The following MCRS1 variants were observed in gnomAD, a reference collection of about 807,000 sequenced individuals.
MCRS1 encodes the protein microspherule protein 1.
Under a neutral mutation model 62.9 loss-of-function variants are expected in MCRS1, and 22 were observed. The observed-to-expected ratio is 0.35, with a 90% CI of 0.25 to 0.50. The LOEUF is 0.50. Among genes scored for constraint, MCRS1 ranks in the 20% least tolerant of loss-of-function variants. The pLI, the probability that MCRS1 is intolerant of heterozygous loss-of-function variation, is 0.98. For synonymous variants in MCRS1, 244 were observed against 233.5 expected (o/e 1.04, Z -0.41); for missense variants, 456 against 601.1 (o/e 0.76, Z 2.52).
intron 8 of MCRS1, among the ~76,000 whole-genome samples, chr12:49,561,496 G>C (rs1215161774): frequency 6.6e-6 from 1 of 152,164 alleles, no homozygotes; most frequent in Non-Finnish European, 1.5e-5. Context: ...CCTATTCCTA[G>C]GGTCTCCTAG....
chr12:49,562,329 T>C (rs930042482), intron 8 of MCRS1, among the ~76,000 whole-genome samples: 1 of 151,902 alleles, frequency 6.6e-6, no homozygotes, highest in Non-Finnish European at 1.5e-5. Flanking sequence ...CACTGGGGAG[T>C]TCCTCCAGTT....
intron 9 of MCRS1, 118 bp from the exon 10 acceptor site, chr12:49,560,085 C>T: frequency 1.4e-6 from 2 of 1,407,098 alleles, no homozygotes; most frequent in Non-Finnish European, 1.0e-6. Flanking sequence ...TACATCAGGC[C>T]TTGGCCCAGC....
chr12:49,561,522 G>A (rs1234469118), intron 8 of MCRS1, among the ~76,000 whole-genome samples: 1 of 152,226 alleles, frequency 6.6e-6, no homozygotes, highest in Non-Finnish European at 1.5e-5. Flanking sequence ...AACGGCAAAG[G>A]AGAAATCAAA....
rs1323173889 is a variant in MCRS1, at chr12:49,564,513, C to T, written c.525G>A (p.Trp175Ter). 6.2e-7 allele frequency: 1 copy of T among 1,613,466 alleles called. No homozygotes were observed. Among genetic ancestry groups the T allele is most frequent in the Non-Finnish European group, 8.5e-7 (1 of 1,179,678 alleles). Residue 175 changes from tryptophan to a stop codon, truncating the protein, a stop_gained, in exon 6 of 15, where the codon TGG (tryptophan) becomes TGA (stop). Transcript: ENST00000343810. LOFTEE classifies it high-confidence loss of function. ...RFTLREVQER[W>*]YALLYDPVIS... ...TGACAGGATCGTAGAGCAGGGCGTACCAACGCTCCTGGACCTCCCGAAGGG... is the reference window on the plus strand; with the variant it reads ...TGACAGGATCGTAGAGCAGGGCGTATCAACGCTCCTGGACCTCCCGAAGGG...
In MCRS1 at chr12:49,563,536, G is replaced by C. The variant is rs776469938; in HGVS notation, c.568C>G (p.Gln190Glu). 6.2e-7 allele frequency: 1 copy of C among 1,609,746 alleles called. No homozygotes were observed. Among genetic ancestry groups the C allele is most frequent in the Non-Finnish European group, 8.5e-7 (1 of 1,178,816 alleles). The change falls in exon 7 of 15, where the codon CAG becomes GAG. Residue 190 changes from glutamine (Q) to glutamate (E), a missense_variant. Around this residue, in one of 3 missense-constraint regions of MCRS1, gnomAD observed 393 missense variants for 523.5 expected, o/e 0.75. Coordinates refer to ENST00000343810, the MANE Select transcript of MCRS1 (RefSeq NM_006337.5). The part of the protein sequence containing the change: ...YDPVISKLAC[Q>E]AMRQLHPEAI... ...TCTGGGTGCAGCTGCCTCATGGCCTGACAGGCCAACCTGGACACGGAAAGA... is the reference window on the plus strand; with the variant it reads ...TCTGGGTGCAGCTGCCTCATGGCCTCACAGGCCAACCTGGACACGGAAAGA...
chr12:49,559,991 G>T lies in MCRS1; in HGVS notation c.882-24C>A. On this transcript the variant is annotated intron_variant, in intron 9 of 14. Coordinates refer to ENST00000343810, the MANE Select transcript of MCRS1 (RefSeq NM_006337.5). This position sits in a 1 kb window ranked among gnomAD's most constrained non-coding sequence, Gnocchi z 5.2. ...CCCTGAGGGGCAAGAAGAGAAGGAA[G>T]ATTTAGGTCCACCTTCAGCTTGCCT... 6.2e-7 allele frequency: 1 copy of T among 1,614,140 alleles called. No individual in the cohort carries two copies. Among genetic ancestry groups the T allele is most frequent in the Non-Finnish European group, 8.5e-7 (1 of 1,179,998 alleles).
rs199891294 is a variant in MCRS1, at chr12:49,566,115, C to T, written c.111G>A (p.Gln37=). The change falls in exon 3 of 15, where the codon CAG becomes CAA. Residue 37 remains glutamine, a synonymous_variant. Transcript: ENST00000343810. ...SLAGQKRASS[Q]ALGTIPKRRS... is the part of the protein sequence containing the mutation. ...TCCGTTTAGGGATGGTGCCCAAGGC[C>T]TGGGAGGAGGCTCGCTTCTGCCCTG... The T allele has an allele frequency of 3.5e-5, 57 of 1,614,226 alleles. No individual in the cohort carries two copies. The Middle Eastern group carries it at 4.8e-3, about 135-fold the overall frequency.
At position 49,563,301 on chromosome 12, in the gene MCRS1, C is replaced by T. The variant is rs918072446; in HGVS notation, c.666+137G>A. 1.5e-5 allele frequency: 20 copies of T among 1,368,138 alleles called. No individual in the cohort carries two copies. The East Asian group carries it at 1.5e-4, about 10-fold the overall frequency. 84.7% of individuals were successfully genotyped at this position (1,368,138 alleles called of 1,614,324 possible). On this transcript the variant is annotated intron_variant, in intron 7 of 14. Transcript: ENST00000343810. The stretch of plus-strand genomic sequence containing the variant: ...CTCTTCCTGAGGCCCCTGTCACAAA[C>T]GCCCCTGCCAATGTGCACACGTGTG...
chr12:49,566,606 CA>C, intron 2 of MCRS1, 115 bp downstream of exon 2: 5 of 1,530,850 alleles, frequency 3.3e-6, no homozygotes, highest in Non-Finnish European at 4.5e-6. Flanking sequence ...GGTGCTGGCC[CA>C]GGGGGAGGTG....
rs1407411891 is a variant in MCRS1, at chr12:49,563,361, C to T, written c.666+77G>A. 6 of 1,444,650 alleles carry T rather than the reference C, an allele frequency of 4.2e-6. No homozygotes were observed. In the Admixed American group the frequency reaches 5.6e-5, roughly 13 times the overall value. 89.5% of individuals were successfully genotyped at this position (1,444,650 alleles called of 1,614,324 possible). A position where few individuals can be genotyped will look rare whatever the true frequency, so the allele number is the denominator to read the frequency against. ...ATATCCAGACAGTGGGTGGGGAGCT[C>T]TCCACATCAGTGGTTTTCTAGGTGG... On this transcript the variant is annotated intron_variant, in intron 7 of 14. Coordinates refer to ENST00000343810, the MANE Select transcript of MCRS1 (RefSeq NM_006337.5).
chr12:49,565,256 C>T, intron 4 of MCRS1: 1 of 985,406 alleles, frequency 1.0e-6, no homozygotes, highest in Non-Finnish European at 1.2e-6. Flanking sequence ...ATGCTGGGAA[C>T]AGGCTGTCTG....
At chr12:49,560,447 G>T in intron 8 of MCRS1, 77 bp from the exon 9 acceptor site, 2 of 1,369,306 alleles carry the variant, frequency 1.5e-6, no homozygotes, top group South Asian at 1.2e-5. Context: ...TAAGCCAAGT[G>T]GACCAGCTGC....
At position 49,560,389 on chromosome 12, in the gene MCRS1, A is replaced by G; in HGVS notation, c.806-19T>C. On this transcript the variant is annotated intron_variant, in intron 8 of 14. Transcript: ENST00000343810. The stretch of plus-strand genomic sequence containing the variant: ...GGCTGCACTGAACAAAGGACAGAGA[A>G]AGCGTGAGCACCAAGGGTCTTGCTG... The G allele has an allele frequency of 6.2e-7, 1 of 1,612,726 alleles. No homozygotes were observed. Among genetic ancestry groups the G allele is most frequent in the African/African-American group, 1.3e-5 (1 of 75,032 alleles).
rs772159207 is a variant in MCRS1 at position 49,559,963 on chromosome 12, T to G, written c.886A>C (p.Met296Leu). 6.2e-7 allele frequency: 1 copy of G among 1,614,214 alleles called. No homozygotes were observed. Among genetic ancestry groups the G allele is most frequent in the South Asian group, 1.1e-5 (1 of 91,088 alleles). Residue 296 changes from methionine (M) to leucine (L), a missense_variant, in exon 10 of 15, where the codon ATG (methionine) becomes CTG (leucine). Around this residue, in one of 3 missense-constraint regions of MCRS1, gnomAD observed 393 missense variants for 523.5 expected, o/e 0.75. Transcript: ENST00000343810. The surrounding 1 kb of genome is among the most constrained non-coding windows in gnomAD (Gnocchi z 5.2). ...DLIDDSKLKDMRDEVLEHELM... is the reference protein window; with the variant it reads ...DLIDDSKLKDLRDEVLEHELM... The stretch of plus-strand genomic sequence containing the variant: ...CCATGTTCCAGGACCTCATCTCGCA[T>G]GTCCCTGAGGGGCAAGAAGAGAAGG...
In MCRS1 at chr12:49,559,437, G is replaced by T. The variant is rs1002954405; in HGVS notation, c.1086+16C>A. On this transcript the variant is annotated intron_variant, in intron 12 of 14. Coordinates refer to ENST00000343810, the MANE Select transcript of MCRS1 (RefSeq NM_006337.5). This position sits in a 1 kb window ranked among gnomAD's most constrained non-coding sequence, Gnocchi z 5.2. ...GAGGAAGCAGCCTAAGAAGGGCGGGGATGGGCCTGCCTCACCTCACGCGAG... is the reference window on the plus strand; with the variant it reads ...GAGGAAGCAGCCTAAGAAGGGCGGGTATGGGCCTGCCTCACCTCACGCGAG... 5 of 1,613,772 alleles carry T rather than the reference G, an allele frequency of 3.1e-6. No homozygotes were observed. Among genetic ancestry groups the T allele is most frequent in the Admixed American group, 1.7e-5 (1 of 60,016 alleles).
rs1565786574 is a variant in MCRS1 at position 49,558,644 on chromosome 12, C to T, written c.1388G>A (p.Ter463=). Residue 463 remains the stop codon, a stop_retained_variant, in exon 15 of 15, where the codon TGA becomes TAA. Coordinates refer to ENST00000343810, the MANE Select transcript of MCRS1 (RefSeq NM_006337.5). The stretch of plus-strand genomic sequence containing the variant: ...GCCCACGAGTCCTGCCACCACTCCT[C>T]ACTGTGGTGTGATCTTGGCAGCCTC... ...RAEAAKITPQ[*] The T allele has an allele frequency of 6.2e-7, 1 of 1,612,890 alleles. No homozygotes were observed. Among genetic ancestry groups the T allele is most frequent in the Non-Finnish European group, 8.5e-7 (1 of 1,179,818 alleles).
At position 49,558,602 on chromosome 12, in the gene MCRS1, G is replaced by A. The variant is rs759476553; in HGVS notation, c.*41C>T. Reference sequence around the variant, plus strand: ...GCTCAAGGGGGCTGGAGTGGCAGGGGAAACAGGCCGGAGAGGGCCCACGAG... The same window carrying A: ...GCTCAAGGGGGCTGGAGTGGCAGGGAAAACAGGCCGGAGAGGGCCCACGAG... On this transcript the variant is annotated 3_prime_UTR_variant, in exon 15 of 15. Coordinates refer to ENST00000343810, the MANE Select transcript of MCRS1 (RefSeq NM_006337.5). The A allele has an allele frequency of 3.1e-6, 5 of 1,594,522 alleles. No individual in the cohort carries two copies. In the East Asian group the frequency reaches 9.0e-5, roughly 29 times the overall value.
intron 6 of MCRS1, among the ~76,000 whole-genome samples, chr12:49,564,244 G>A (rs540839395): frequency 1.3e-5 from 2 of 151,756 alleles, no homozygotes; most frequent in Non-Finnish European, 2.9e-5. Flanking sequence ...AGTGCACTCC[G>A]GGCACTCATT....
rs1293298455 is a variant in MCRS1 at position 49,559,387 on chromosome 12, G to C, written c.1086+66C>G. On this transcript the variant is annotated intron_variant, in intron 12 of 14. Coordinates refer to ENST00000343810, the MANE Select transcript of MCRS1 (RefSeq NM_006337.5). The surrounding 1 kb of genome is among the most constrained non-coding windows in gnomAD (Gnocchi z 5.2). Reference sequence around the variant, plus strand: ...GGCCAGAGAAAGATGGGAAACCAAGGACTACGCAGAGAAAGGCACTGACAG... The same window carrying C: ...GGCCAGAGAAAGATGGGAAACCAAGCACTACGCAGAGAAAGGCACTGACAG... 6.2e-7 allele frequency: 1 copy of C among 1,609,596 alleles called. No individual in the cohort carries two copies. Among genetic ancestry groups the C allele is most frequent in the Admixed American group, 1.7e-5 (1 of 60,006 alleles).
Sources: gnomAD v4.1 joint callset for allele counts (sites outside exome capture counted in the v4.1 genomes callset) on GRCh38, gnomAD v4.1.1 for gene constraint, gnomAD v4.1.1 regional missense constraint, Gnocchi (gnomAD v3.1) non-coding constraint, MANE v1.5 for transcripts, NCBI Gene and HGNC (gene_info 2026-07-23, HGNC 2026-07-21) for gene names.